Variants in DNAH14 observed in about 807,000 individuals in gnomAD.
DNAH14 encodes axonemal beta dynein heavy chain 14.
DNAH14 carries 478 observed loss-of-function variants against 520.9 expected under a neutral mutation model. The ratio of observed to expected loss-of-function variants is 0.92; its 90% CI spans 0.85 to 0.99. The LOEUF (loss-of-function observed/expected upper bound fraction) is 0.99, where lower values mean the gene tolerates loss of function less well. DNAH14 is among the 50% of genes least tolerant of loss of function. DNAH14 has a pLI of 0.00. For synonymous variants in DNAH14, 1,581 were observed against 1,757.2 expected (o/e 0.90, Z 2.51); for missense variants, 4,831 against 5,234.5 (o/e 0.92, Z 2.38).
chr1:225,049,773 C>CCTATCTAT (rs3047105), intron 15 of DNAH14, among the ~76,000 whole-genome samples: 14,516 of 142,952 alleles, frequency 0.1, 859 homozygotes, highest in Middle Eastern at 0.17. Flanking sequence ...TATCTATCTA[C>CCTATCTAT]CTATCTATCT....
intron 23 of DNAH14, among the ~76,000 whole-genome samples, chr1:225,102,565 T>A (rs1488611997): frequency 2.0e-5 from 3 of 152,214 alleles, no homozygotes; most frequent in Non-Finnish European, 4.4e-5. Context: ...GCTTCCTGAC[T>A]TTTTAATGAT....
chr1:225,186,459 A>C (rs986426352), intron 37 of DNAH14, among the ~76,000 whole-genome samples: 1 of 151,916 alleles, frequency 6.6e-6, no homozygotes, highest in Non-Finnish European at 1.5e-5. Flanking sequence ...TGAATTATTT[A>C]ATTCTCACAA....
rs375847465 is a variant in DNAH14 at position 225,322,668 on chromosome 1, T to C, written c.9340T>C (p.Tyr3114His). ...DKADVAELRV[Y>H]TRPPFLVLTV... is the part of the protein sequence containing the mutation. ...GATTTTCATCATCTATTACAGAGTA[T>C]ACACACGGCCTCCCTTCCTTGTACT... Residue 3114 changes from tyrosine to histidine, a missense_variant, in exon 62 of 86, where the codon TAC becomes CAC. Coordinates refer to ENST00000682510, the MANE Select transcript of DNAH14 (RefSeq NM_001367479.1). 2 of 1,537,924 alleles carry C rather than the reference T, an allele frequency of 1.3e-6. No individual in the cohort carries two copies. The highest frequency in any genetic ancestry group is 1.4e-5 in the African/African-American group (1 of 72,842).
intron 83 of DNAH14, among the ~76,000 whole-genome samples, 191 bp from the exon 84 acceptor site, chr1:225,392,100 G>A (rs2095923439): frequency 6.6e-6 from 1 of 152,146 alleles, no homozygotes; most frequent in African/African-American, 2.4e-5. Context: ...TCCTGCAGCT[G>A]GCCAGACCAA....
intron 41 of DNAH14, among the ~76,000 whole-genome samples, chr1:225,215,234 T>A (rs1457646773): frequency 1.3e-5 from 2 of 152,216 alleles, no homozygotes; most frequent in Non-Finnish European, 2.9e-5. Flanking sequence ...AGTTTGTTAA[T>A]CCTGAGTTGT....
intron 84 of DNAH14, 122 bp downstream of exon 84, chr1:225,392,573 CA>C: frequency 8.3e-7 from 1 of 1,211,018 alleles, no homozygotes; most frequent in Non-Finnish European, 1.1e-6. Flanking sequence ...ACTAGACAGG[CA>C]GATCAACAAG....
At chr1:225,213,996 G>A (rs577361563) in intron 41 of DNAH14, among the ~76,000 whole-genome samples, 1 of 152,276 alleles carries the variant, frequency 6.6e-6, no homozygotes, top group East Asian at 1.9e-4. Flanking sequence ...AGTTTTCAAA[G>A]GGAATGCTTC....
intron 7 of DNAH14, among the ~76,000 whole-genome samples, chr1:224,971,097 T>C (rs970138405): frequency 6.6e-6 from 1 of 152,182 alleles, no homozygotes; most frequent in Non-Finnish European, 1.5e-5. Context: ...TGATTAAAAA[T>C]TTATCTAGTT....
At chr1:225,364,624 T>C (rs908159899) in intron 75 of DNAH14, among the ~76,000 whole-genome samples, 168 bp from the exon 76 acceptor site, 3 of 152,140 alleles carry the variant, frequency 2.0e-5, no homozygotes, top group Non-Finnish European at 4.4e-5. Flanking sequence ...AACTGATGGG[T>C]CGTGTGCAAA....
chr1:225,380,158 G>T lies in DNAH14; in HGVS notation c.12717-1G>T. 1 of 1,545,702 alleles carries T rather than the reference G, an allele frequency of 6.5e-7. No individual in the cohort carries two copies. Among genetic ancestry groups the T allele is most frequent in the South Asian group, 1.2e-5 (1 of 83,084 alleles). On this transcript the variant is annotated splice_acceptor_variant, in intron 79 of 85. Transcript: ENST00000682510. LOFTEE classifies it high-confidence loss of function. ...CATTCTTCTCTTGGTTTTTTTTGCA[G>T]ACCTGAGCAGAGTAAGGATGAACTG...
chr1:225,360,462 C>G (rs1481394888), intron 74 of DNAH14, among the ~76,000 whole-genome samples: 1 of 152,196 alleles, frequency 6.6e-6, no homozygotes, highest in Admixed American at 6.5e-5. Context: ...AGACAACCAG[C>G]AGGTGCTGCT....
chr1:225,008,674 C>G (rs1424774134), intron 10 of DNAH14, among the ~76,000 whole-genome samples: 10 of 144,610 alleles, frequency 6.9e-5, no homozygotes, highest in African/African-American at 7.6e-5. Flanking sequence ...ATTCACCCAC[C>G]TTGGCCTCCC....
chr1:225,276,485 ATTG>A (rs2149876865), intron 53 of DNAH14, among the ~76,000 whole-genome samples: 1 of 152,304 alleles, frequency 6.6e-6, no homozygotes, highest in East Asian at 1.9e-4. Flanking sequence ...CATCTTTCCC[ATTG>A]TTGTGGGCAA....
Position 224,964,539 on chromosome 1 carries a change from A to G in DNAH14, c.428A>G (p.Gln143Arg). 1.2e-6 allele frequency: 2 copies of G among 1,610,578 alleles called. No homozygotes were observed. The highest frequency in any genetic ancestry group is 1.7e-6 in the Non-Finnish European group (2 of 1,177,888). The change falls in exon 5 of 86, where the codon CAA becomes CGA. Residue 143 changes from glutamine (Q) to arginine (R), a missense_variant. Coordinates refer to ENST00000682510, the MANE Select transcript of DNAH14 (RefSeq NM_001367479.1). ...AGGCTACGAGAAAAGCTTGGTTGGC[A>G]AACTATATTACCGCAGCACAGTTTG... ...IIRLREKLGWQTILPQHSLKY... is the reference protein window; with the variant it reads ...IIRLREKLGWRTILPQHSLKY...
At chr1:225,055,166 C>T (rs1429547099) in intron 17 of DNAH14, among the ~76,000 whole-genome samples, 1 of 151,956 alleles carries the variant, frequency 6.6e-6, no homozygotes, top group Non-Finnish European at 1.5e-5. Flanking sequence ...TAAGAGGAAA[C>T]AAAATGTTTA....
At chr1:225,313,028 T>C (rs2150142019) in intron 60 of DNAH14, among the ~76,000 whole-genome samples, 1 of 152,356 alleles carries the variant, frequency 6.6e-6, no homozygotes, top group South Asian at 2.1e-4. Context: ...TACCAGCTCC[T>C]GTTTGTACCT....
At chr1:225,012,505 A>G (rs2064864121) in intron 10 of DNAH14, among the ~76,000 whole-genome samples, 1 of 151,794 alleles carries the variant, frequency 6.6e-6, no homozygotes, top group Non-Finnish European at 1.5e-5. Flanking sequence ...CTGTCTTGCT[A>G]GATTGGGGAA....
At chr1:225,211,982 G>T (rs1441264986) in intron 41 of DNAH14, among the ~76,000 whole-genome samples, 2 of 151,616 alleles carry the variant, frequency 1.3e-5, no homozygotes, top group Non-Finnish European at 2.9e-5. Context: ...ATGTATACAT[G>T]TGCCTTGTTG....
intron 23 of DNAH14, among the ~76,000 whole-genome samples, chr1:225,110,874 A>T (rs1358498582): frequency 4.6e-5 from 7 of 152,160 alleles, no homozygotes; most frequent in Non-Finnish European, 7.4e-5. Flanking sequence ...GTCTTCATTG[A>T]CACTGACATG....
Sources: allele counts gnomAD v4.1 joint callset (sites outside exome capture counted in the v4.1 genomes callset), GRCh38; gene constraint gnomAD v4.1.1; transcripts MANE v1.5; gene names NCBI Gene and HGNC (gene_info 2026-07-23, HGNC 2026-07-21).